The following COL25A1 variants were observed in gnomAD, a reference collection of about 807,000 sequenced individuals.
COL25A1 encodes collagen alpha-1(XXV) chain.
COL25A1 carries 103 observed loss-of-function variants against 128.4 expected under a neutral mutation model. The observed-to-expected ratio is 0.80, with a 90% CI of 0.68 to 0.94. The LOEUF is 0.94. COL25A1 is among the 40% of genes least tolerant of loss of function. COL25A1 has a pLI of 0.00. For synonymous variants in COL25A1, 279 were observed against 277.2 expected (o/e 1.01, Z -0.06); for missense variants, 745 against 840.0 (o/e 0.89, Z 1.40).
rs779037427 is a variant in COL25A1 at position 108,846,196 on chromosome 4, G to GTC, written c.1456_1457dup (p.Asp486GlufsTer8). On this transcript the variant is annotated frameshift_variant, in exon 28 of 38. Transcript: ENST00000399132. LOFTEE classifies it high-confidence loss of function. Reference sequence around the variant, plus strand: ...CACCTGTCATACCTGGGTCCCCCATGTCTCCCTTTGAGCCTTTGAGTCCCT... The same window carrying GTC: ...CACCTGTCATACCTGGGTCCCCCATGTCTCTCCCTTTGAGCCTTTGAGTCCCT... 6.2e-7 allele frequency: 1 copy of GTC among 1,612,570 alleles called. No individual in the cohort carries two copies. The highest frequency in any genetic ancestry group is 8.5e-7 in the Non-Finnish European group (1 of 1,178,660).
At chr4:109,082,448 C>T (rs28532865) in intron 3 of COL25A1, among the ~76,000 whole-genome samples, 35,089 of 152,048 alleles carry the variant, frequency 0.23, 5,218 homozygotes, top group African/African-American at 0.4. Flanking sequence ...CATATCCTCA[C>T]CAACATTTGT....
intron 24 of COL25A1, 105 bp downstream of exon 24, chr4:108,859,551 A>C (rs995674582): frequency 7.6e-6 from 6 of 792,362 alleles, no homozygotes; most frequent in Admixed American, 5.5e-5. Flanking sequence ...TGAGCAGTGG[A>C]GTCCTCTGAG....
intron 3 of COL25A1, among the ~76,000 whole-genome samples, chr4:109,232,353 CAAG>C (rs33982685): frequency 0.47 from 71,643 of 151,562 alleles, 17,700 homozygotes; most frequent in African/African-American, 0.57. Context: ...ATAAAAATTA[CAAG>C]ATGACTTTAG....
chr4:108,887,615 G>A (rs1740984068), intron 18 of COL25A1, among the ~76,000 whole-genome samples: 1 of 152,080 alleles, frequency 6.6e-6, no homozygotes, highest in Non-Finnish European at 1.5e-5. Flanking sequence ...TCTCAATATA[G>A]TTTAAAACTG....
At position 109,202,316 on chromosome 4, in the gene COL25A1, C is replaced by A. The variant is rs1249482090; in HGVS notation, c.367+98267G>T. On this transcript the variant is annotated intron_variant, in intron 3 of 37. Transcript: ENST00000399132. ...TAGAAACGGGCCCACACAAATATAGCCAATTGATCATTGACAAATGAGCAA... is the reference window on the plus strand; with the variant it reads ...TAGAAACGGGCCCACACAAATATAGACAATTGATCATTGACAAATGAGCAA... Among the ~76,000 whole-genome samples, 3 of 152,066 alleles carry A rather than the reference C, an allele frequency of 2.0e-5. 1 individual carries two copies. In the South Asian group the frequency reaches 6.2e-4, roughly 32 times the overall value.
intron 6 of COL25A1, among the ~76,000 whole-genome samples, chr4:109,009,154 AAAG>A (rs1241381309): frequency 6.6e-6 from 1 of 152,142 alleles, no homozygotes; most frequent in Non-Finnish European, 1.5e-5. Context: ...ACAAAAAACA[AAAG>A]AAACTATGCG....
intron 16 of COL25A1, among the ~76,000 whole-genome samples, chr4:108,890,945 A>G (rs1050587339): frequency 1.3e-5 from 2 of 152,114 alleles, no homozygotes; most frequent in Non-Finnish European, 2.9e-5. Context: ...TCATGCACAC[A>G]TCTTACTCCG....
intron 6 of COL25A1, among the ~76,000 whole-genome samples, chr4:108,982,184 ACT>A (rs1031524848): frequency 6.6e-6 from 1 of 152,162 alleles, no homozygotes; most frequent in African/African-American, 2.4e-5. Context: ...ACAGAGTGAG[ACT>A]CTGTCTCAAA....
chr4:108,887,201 A>G (rs909027041), intron 18 of COL25A1, among the ~76,000 whole-genome samples: 2 of 152,100 alleles, frequency 1.3e-5, no homozygotes, highest in African/African-American at 2.4e-5. Context: ...AAAAGACCAC[A>G]CGGTGGAAAG....
chr4:108,991,205 T>C (rs1754195121), intron 6 of COL25A1, among the ~76,000 whole-genome samples: 1 of 152,192 alleles, frequency 6.6e-6, no homozygotes, highest in African/African-American at 2.4e-5. Flanking sequence ...TTACCTTTAT[T>C]CAGGCAGAAT....
intron 8 of COL25A1, among the ~76,000 whole-genome samples, chr4:108,942,699 C>T (rs1247532825): frequency 6.7e-6 from 1 of 149,968 alleles, no homozygotes; most frequent in Non-Finnish European, 1.5e-5. Context: ...ATCCACCGGC[C>T]TTAGCCTCCC....
At chr4:109,041,437 G>C (rs1350235545) in intron 5 of COL25A1, among the ~76,000 whole-genome samples, 2 of 151,638 alleles carry the variant, frequency 1.3e-5, no homozygotes, top group Non-Finnish European at 2.9e-5. Flanking sequence ...TAGTTTTAAT[G>C]ACTGTTCTTC....
chr4:109,170,227 C>A (rs1448627528), intron 3 of COL25A1, among the ~76,000 whole-genome samples: 1 of 151,966 alleles, frequency 6.6e-6, no homozygotes, highest in Non-Finnish European at 1.5e-5. Context: ...AGATAATTCC[C>A]TAATAGGGAA....
intron 3 of COL25A1, among the ~76,000 whole-genome samples, chr4:109,179,942 G>T (rs1774468747): frequency 6.6e-6 from 1 of 152,162 alleles, no homozygotes; most frequent in Admixed American, 6.5e-5. Context: ...TAATTATTGT[G>T]TTCTAGGGCT....
intron 6 of COL25A1, among the ~76,000 whole-genome samples, chr4:108,983,698 G>T (rs530930575): frequency 1.3e-5 from 2 of 152,224 alleles, no homozygotes; most frequent in Admixed American, 6.5e-5. Flanking sequence ...GCTGGCTCAG[G>T]AGTGAAGCTG....
At chr4:108,963,871 A>G (rs1278486970) in intron 8 of COL25A1, among the ~76,000 whole-genome samples, 1 of 151,562 alleles carries the variant, frequency 6.6e-6, no homozygotes, top group African/African-American at 2.4e-5. Context: ...GAAAAATGTG[A>G]AATAGTGCCC....
At chr4:109,041,961 TA>T (rs1249742010) in intron 5 of COL25A1, among the ~76,000 whole-genome samples, 1 of 152,144 alleles carries the variant, frequency 6.6e-6, no homozygotes, top group African/African-American at 2.4e-5. Context: ...AAAGTTATTC[TA>T]AAACAGATGG....
intron 11 of COL25A1, among the ~76,000 whole-genome samples, chr4:108,921,497 T>TTTCAC (rs1478832332): frequency 6.6e-6 from 1 of 152,222 alleles, no homozygotes; most frequent in African/African-American, 2.4e-5. Flanking sequence ...CATCATTTCA[T>TTTCAC]GTTAAAAGTT....
At chr4:108,878,239 C>A (rs1218650639) in intron 19 of COL25A1, among the ~76,000 whole-genome samples, 8 of 151,588 alleles carry the variant, frequency 5.3e-5, no homozygotes, top group Admixed American at 5.3e-4. Context: ...TACTTTTTAA[C>A]CCCTCTAAAA....
Sources: allele counts gnomAD v4.1 joint callset (sites outside exome capture counted in the v4.1 genomes callset), GRCh38; gene constraint gnomAD v4.1.1; transcripts MANE v1.5; gene names NCBI Gene and HGNC (gene_info 2026-07-23, HGNC 2026-07-21).